The following SLCO1A2 variants were observed in gnomAD, a reference collection of about 807,000 sequenced individuals.
SLCO1A2 encodes the protein solute carrier organic anion transporter family member 1A2.
A neutral mutation model predicts 69.0 loss-of-function variants in SLCO1A2; 67 were observed. That is an observed-to-expected ratio of 0.97 (90% confidence interval 0.80 to 1.19). SLCO1A2 has a LOEUF of 1.19. SLCO1A2 is among the 50% of genes most tolerant of loss of function. The pLI, the probability that SLCO1A2 is intolerant of heterozygous loss-of-function variation, is 0.00. For synonymous variants in SLCO1A2, 260 were observed against 265.9 expected (o/e 0.98, Z 0.22); for missense variants, 787 against 793.7 (o/e 0.99, Z 0.10).
rs1178940040 is a variant in SLCO1A2, at chr12:21,292,167, A to C, written c.1607T>G (p.Leu536Trp). The C allele has an allele frequency of 1.9e-6, 3 of 1,578,468 alleles. No individual in the cohort carries two copies. The highest frequency in any genetic ancestry group is 2.6e-6 in the Non-Finnish European group (3 of 1,164,628). Residue 536 changes from leucine to tryptophan, a missense_variant, in exon 12 of 15, where the codon TTG becomes TGG. Coordinates refer to ENST00000683939, the MANE Select transcript of SLCO1A2 (RefSeq NM_001386879.1). ...LAAIPGYMVLLRCMKSEEKSL... is the reference protein window; with the variant it reads ...LAAIPGYMVLWRCMKSEEKSL... ...AATAAAGAAAATAATTTTGTACCTCAAGAGAACCATATATCCAGGTATGGC... is the reference window on the plus strand; with the variant it reads ...AATAAAGAAAATAATTTTGTACCTCCAGAGAACCATATATCCAGGTATGGC...
intron 12 of SLCO1A2, among the ~76,000 whole-genome samples, chr12:21,277,289 C>G (rs573202306): frequency 6.9e-6 from 1 of 144,572 alleles, no homozygotes; most frequent in Non-Finnish European, 1.6e-5. Context: ...TAGACATACC[C>G]TGGATCAGAA....
chr12:21,299,569 T>C (rs916779004), intron 8 of SLCO1A2, among the ~76,000 whole-genome samples: 2 of 151,106 alleles, frequency 1.3e-5, no homozygotes, highest in African/African-American at 4.8e-5. Context: ...ATGTTTTTTT[T>C]TTTCTTTCTG....
intron 11 of SLCO1A2, among the ~76,000 whole-genome samples, chr12:21,292,762 C>T (rs182686672): frequency 6.6e-6 from 1 of 152,030 alleles, no homozygotes; most frequent in African/African-American, 2.4e-5. Flanking sequence ...TTCCCAGCTA[C>T]ATTTTGTATT....
At position 21,266,216 on chromosome 12, in the gene SLCO1A2, C is replaced by T. The variant is rs1942049007; in HGVS notation, c.*3332G>A. 1 of 152,126 alleles carries T rather than the reference C, an allele frequency of 6.6e-6. No individual in the cohort carries two copies. Among genetic ancestry groups the T allele is most frequent in the Non-Finnish European group, 1.5e-5 (1 of 68,022 alleles). 9.4% of individuals were successfully genotyped at this position (152,126 alleles called of 1,614,324 possible). A position where few individuals can be genotyped will look rare whatever the true frequency, so the allele number is the denominator to read the frequency against. On this transcript the variant is annotated 3_prime_UTR_variant, in exon 15 of 15. Coordinates refer to ENST00000683939, the MANE Select transcript of SLCO1A2 (RefSeq NM_001386879.1). ...GCTTTTGGTTACAAAACATTTCGAG[C>T]TTTTCTTTAATTACTTAGTCTTTGT...
intron 12 of SLCO1A2, among the ~76,000 whole-genome samples, chr12:21,278,266 C>T (rs1259085874): frequency 1.3e-5 from 2 of 152,122 alleles, no homozygotes; most frequent in African/African-American, 4.8e-5. Flanking sequence ...ATTTTTTACC[C>T]ATCCCAGGCT....
intron 3 of SLCO1A2, among the ~76,000 whole-genome samples, chr12:21,316,260 A>C (rs1224130706): frequency 6.6e-6 from 1 of 152,182 alleles, no homozygotes; most frequent in Non-Finnish European, 1.5e-5. Context: ...TTACTCTAGT[A>C]ATTAAAATCT....
In SLCO1A2 at chr12:21,295,768, C is replaced by T. The variant is rs771608336; in HGVS notation, c.1100G>A (p.Cys367Tyr). The T allele has an allele frequency of 1.3e-6, 2 of 1,557,480 alleles. No homozygotes were observed. Among genetic ancestry groups the T allele is most frequent in the Non-Finnish European group, 1.8e-6 (2 of 1,131,760 alleles). The change falls in exon 10 of 15, where the codon TGT becomes TAT. Residue 367 changes from cysteine to tyrosine, a missense_variant. Physicochemically the swap from Cys to Tyr is radical, Grantham distance 194. Coordinates refer to ENST00000683939, the MANE Select transcript of SLCO1A2 (RefSeq NM_001386879.1). ...LMGIYNLPPI[C>Y]IGYIIGGLIM... is the part of the protein sequence containing the mutation. ...TAAACCACCAATTATATATCCAATA[C>T]ATATTGGAGGTAAGTTATAAATACC...
rs185689528 is a variant in SLCO1A2 at position 21,412,993 on chromosome 12, C to T, written c.-312+4889G>A. Among the ~76,000 whole-genome samples, 15 of 152,228 alleles carry T rather than the reference C, an allele frequency of 9.9e-5. No individual in the cohort carries two copies. The East Asian group carries it at 2.3e-3, about 24-fold the overall frequency. ...GCCAGATATGTGTAGAATGCCTAGACGATAGGGGACCTGCTCATCTGTTAG... is the reference window on the plus strand; with the variant it reads ...GCCAGATATGTGTAGAATGCCTAGATGATAGGGGACCTGCTCATCTGTTAG... On this transcript the variant is annotated intron_variant, in intron 1 of 4. Coordinates refer to the SLCO1A2 transcript ENST00000413682.
At position 21,401,125 on chromosome 12, in the gene SLCO1A2, A is replaced by G. The variant is rs1276280264; in HGVS notation, c.-312+16757T>C. Among the ~76,000 whole-genome samples, 14 of 152,136 alleles carry G rather than the reference A, an allele frequency of 9.2e-5. No homozygotes were observed. In the East Asian group the frequency reaches 2.1e-3, roughly 23 times the overall value. ...TGTTGTGGTATTTCTTGCATTAGCT[A>G]ATACAAGAAAATGAGAAAATGAAAA... is the stretch of plus-strand genomic sequence containing the variant. On this transcript the variant is annotated intron_variant, in intron 1 of 4. Coordinates refer to the SLCO1A2 transcript ENST00000413682.
intron 2 of SLCO1A2, among the ~76,000 whole-genome samples, chr12:21,368,243 A>G (rs1409388638): frequency 6.6e-6 from 1 of 152,194 alleles, no homozygotes; most frequent in East Asian, 1.9e-4. Context: ...CCTCTAGACC[A>G]AACTACAAGT....
At chr12:21,338,494 C>T (rs1396689946), upstream of SLCO1A2, among the ~76,000 whole-genome samples, 2 of 151,812 alleles carry the variant, frequency 1.3e-5, no homozygotes, top group East Asian at 1.9e-4. Flanking sequence ...CATCCCCTGG[C>T]CCCCACCCTG....
chr12:21,297,013 A>G (rs1947822798), intron 9 of SLCO1A2, among the ~76,000 whole-genome samples: 1 of 152,168 alleles, frequency 6.6e-6, no homozygotes, highest in Non-Finnish European at 1.5e-5. Context: ...TTAAATTAGG[A>G]GGAACATAGA....
intron 2 of SLCO1A2, among the ~76,000 whole-genome samples, chr12:21,350,958 G>T (rs1036169427): frequency 1.3e-5 from 2 of 149,746 alleles, no homozygotes; most frequent in Non-Finnish European, 2.9e-5. Context: ...CATATACTGC[G>T]TAACTTAAAA....
At chr12:21,287,974 C>A in intron 12 of SLCO1A2, among the ~76,000 whole-genome samples, 1 of 127,660 alleles carries the variant, frequency 7.8e-6, no homozygotes, top group South Asian at 2.7e-4. Context: ...AACTAACCTG[C>A]ACAATGTGCA....
chr12:21,370,880 T>C (rs1273995286), intron 2 of SLCO1A2, among the ~76,000 whole-genome samples: 2 of 152,176 alleles, frequency 1.3e-5, no homozygotes, highest in African/African-American at 2.4e-5. Context: ...AGACCCAAAC[T>C]GGGGCTTAGC....
chr12:21,403,924 C>T (rs1017725600), intron 1 of SLCO1A2, among the ~76,000 whole-genome samples: 1 of 151,988 alleles, frequency 6.6e-6, no homozygotes, highest in African/African-American at 2.4e-5. Context: ...ATTGAGTAAA[C>T]TGACACACAT....
At chr12:21,341,629 A>G (rs1953071302) in intron 2 of SLCO1A2, among the ~76,000 whole-genome samples, 1 of 152,046 alleles carries the variant, frequency 6.6e-6, no homozygotes, top group African/African-American at 2.4e-5. Flanking sequence ...GGCCTGAGGC[A>G]GCCATAATGT....
chr12:21,391,667 G>C (rs759874374), intron 1 of SLCO1A2, among the ~76,000 whole-genome samples: 16 of 151,768 alleles, frequency 1.1e-4, no homozygotes, highest in Non-Finnish European at 2.4e-4. Context: ...TCATTTTATA[G>C]GTCCATTTTT....
intron 12 of SLCO1A2, among the ~76,000 whole-genome samples, chr12:21,288,203 A>G (rs1211371388): frequency 6.6e-6 from 1 of 151,452 alleles, no homozygotes; most frequent in African/African-American, 2.5e-5. Context: ...GCACTTTGGG[A>G]GGCCAAAGCA....
Sources: allele counts gnomAD v4.1 joint callset (sites outside exome capture counted in the v4.1 genomes callset), GRCh38; gene constraint gnomAD v4.1.1; transcripts MANE v1.5; gene names NCBI Gene and HGNC (gene_info 2026-07-23, HGNC 2026-07-21).